Variants in SLC27A2 observed in about 807,000 individuals in gnomAD.
The protein encoded by SLC27A2 is solute carrier family 27 member 2.
A neutral mutation model predicts 60.0 loss-of-function variants in SLC27A2; 54 were observed. The observed-to-expected ratio is 0.90, with a 90% confidence interval of 0.72 to 1.13. SLC27A2 has a LOEUF of 1.13. Among genes scored for constraint, SLC27A2 ranks in the 50% most tolerant of loss-of-function variants. The probability of loss-of-function intolerance (pLI) is 0.00; values close to 1 mark genes in which losing one functional copy is unlikely to be tolerated. For missense variants in SLC27A2, 739 were observed against 777.6 expected (o/e 0.95, Z 0.59); for synonymous variants, 297 against 297.6 (o/e 1.00, Z 0.02).
intron 4 of SLC27A2, among the ~76,000 whole-genome samples, chr15:50,216,610 G>GTGTGTGTGTGTGTA (rs1323910367): frequency 3.8e-4 from 25 of 66,472 alleles, no homozygotes; most frequent in African/African-American, 1.0e-3. Flanking sequence ...GTGTGTGTGT[G>GTGTGTGTGTGTGTA]TATATATATA....
intron 1 of SLC27A2, among the ~76,000 whole-genome samples, chr15:50,185,936 T>C (rs1420800639): frequency 6.6e-6 from 1 of 151,884 alleles, no homozygotes; most frequent in Non-Finnish European, 1.5e-5. Context: ...GCCGGAAGCT[T>C]ACTTTTAAAA....
intron 4 of SLC27A2, among the ~76,000 whole-genome samples, chr15:50,214,853 A>G (rs1325100041): frequency 2.0e-5 from 3 of 152,334 alleles, no homozygotes; most frequent in African/African-American, 7.2e-5. Flanking sequence ...CCCACTGCCA[A>G]CATAATACTG....
chr15:50,196,071 A>AAT (rs2045016527), intron 1 of SLC27A2, among the ~76,000 whole-genome samples: 3 of 26,526 alleles, frequency 1.1e-4, no homozygotes, highest in Admixed American at 4.7e-4. Flanking sequence ...AAAAAAAAAA[A>AAT]AAAAAAATAT....
At chr15:50,199,919 G>A (rs1192426375) in intron 2 of SLC27A2, among the ~76,000 whole-genome samples, 1 of 152,124 alleles carries the variant, frequency 6.6e-6, no homozygotes, top group African/African-American at 2.4e-5. Flanking sequence ...GGCACTGTCT[G>A]TAGAAAAAAA....
chr15:50,206,946 A>AT (rs1240794283), intron 4 of SLC27A2, among the ~76,000 whole-genome samples: 1 of 152,120 alleles, frequency 6.6e-6, no homozygotes, highest in East Asian at 1.9e-4. Context: ...GGGTTAGGGT[A>AT]TTTTCCACAG....
chr15:50,197,889 C>T (rs1183768343), intron 2 of SLC27A2, among the ~76,000 whole-genome samples, 180 bp downstream of exon 2: 1 of 152,160 alleles, frequency 6.6e-6, no homozygotes, highest in East Asian at 1.9e-4. Context: ...TGCGTTTCTC[C>T]AAGCTATGCA....
chr15:50,206,269 T>A (rs2045111175), intron 4 of SLC27A2, among the ~76,000 whole-genome samples: 1 of 152,144 alleles, frequency 6.6e-6, no homozygotes. Context: ...AACTGCCAAA[T>A]GTCTCTTGGC....
intron 1 of SLC27A2, 80 bp downstream of exon 1, chr15:50,182,985 G>A (rs562523311): frequency 4.3e-6 from 6 of 1,395,100 alleles, no homozygotes; most frequent in Middle Eastern, 2.2e-4. Flanking sequence ...GGCATAAGGG[G>A]TTCGCAGAGG....
Position 50,197,653 on chromosome 15 carries a change from G to T in SLC27A2, c.632G>T (p.Arg211Met), listed in dbSNP as rs769978559. 1.2e-6 allele frequency: 2 copies of T among 1,614,042 alleles called. No individual in the cohort carries two copies. Among genetic ancestry groups the T allele is most frequent in the Admixed American group, 3.3e-5 (2 of 60,020 alleles). ...ACTGAACCTATCCCAGAGTCATGGA[G>T]GTCTGAAGTCACTTTTTCCACTCCT... ...VSTEPIPESW[R>M]SEVTFSTPAL... The change falls in exon 2 of 10, where the codon AGG becomes ATG. Residue 211 changes from arginine (R) to methionine (M), a missense_variant. Coordinates refer to ENST00000267842, the MANE Select transcript of SLC27A2 (RefSeq NM_003645.4).
intron 4 of SLC27A2, among the ~76,000 whole-genome samples, chr15:50,209,239 T>C (rs944225410): frequency 3.9e-5 from 6 of 152,172 alleles, no homozygotes; most frequent in African/African-American, 1.4e-4. Flanking sequence ...TGGTCCCTTC[T>C]AGCCTAAAAT....
At chr15:50,219,020 C>T (rs1157772590) in intron 4 of SLC27A2, among the ~76,000 whole-genome samples, 1 of 152,112 alleles carries the variant, frequency 6.6e-6, no homozygotes. Flanking sequence ...GCAATTAATT[C>T]CAGGAAAAAT....
At position 50,236,231 on chromosome 15, in the gene SLC27A2, T is replaced by C. The variant is rs545965625; in HGVS notation, c.*135T>C. 72 of 603,478 alleles carry C rather than the reference T, an allele frequency of 1.2e-4. No homozygotes were observed. The highest frequency in any genetic ancestry group is 9.6e-4 in the African/African-American group (51 of 52,924). The allele number at this position is 603,478 out of a possible 1,614,324, so 37.4% of individuals were successfully genotyped here. Reference sequence around the variant, plus strand: ...ATTTGCATACCCGTAAAGGGAGACTTTTTTAAATAACAGTTGAGTCTTTGC... The same window carrying C: ...ATTTGCATACCCGTAAAGGGAGACTCTTTTAAATAACAGTTGAGTCTTTGC... On this transcript the variant is annotated 3_prime_UTR_variant, in exon 10 of 10. Transcript: ENST00000267842.
At chr15:50,189,055 A>G (rs8032032) in intron 1 of SLC27A2, among the ~76,000 whole-genome samples, 144,816 of 152,068 alleles carry the variant, frequency 0.95, 69,026 homozygotes, top group East Asian at 1. Context: ...ACATACATAC[A>G]TACATAATGG....
chr15:50,214,738 G>C lies in SLC27A2; in HGVS notation c.973-8227G>C, dbSNP rs8039108. On this transcript the variant is annotated intron_variant, in intron 4 of 9. Coordinates refer to ENST00000267842, the MANE Select transcript of SLC27A2 (RefSeq NM_003645.4). ...TCACATGATAATCTCAATAGGTGCAGAAAAAGCATTCAACAAAATCCAGCA... is the reference window on the plus strand; with the variant it reads ...TCACATGATAATCTCAATAGGTGCACAAAAAGCATTCAACAAAATCCAGCA... Among the ~76,000 whole-genome samples the C allele has an allele frequency of 3.0e-3, 459 of 152,274 alleles. 1 individual carries two copies. Among genetic ancestry groups the C allele is most frequent in the African/African-American group, 0.011 (443 of 41,554 alleles).
chr15:50,223,200 C>T (rs763478899), intron 5 of SLC27A2, 41 bp downstream of exon 5: 2 of 1,462,692 alleles, frequency 1.4e-6, no homozygotes, highest in African/African-American at 2.8e-5. Flanking sequence ...AGCCAGTTTT[C>T]AGAATACAGA....
chr15:50,184,674 T>TA (rs113047135), intron 1 of SLC27A2, among the ~76,000 whole-genome samples: 105 of 141,548 alleles, frequency 7.4e-4, no homozygotes, highest in African/African-American at 1.4e-3. Context: ...CCGTCTCGAC[T>TA]AAAAAAAAAA....
In SLC27A2 at chr15:50,234,012, T is replaced by C; in HGVS notation, c.1686+14T>C. On this transcript the variant is annotated intron_variant, in intron 9 of 9. Transcript: ENST00000267842. ...CTAAGAATACAGGTGAGATCTCTTA[T>C]TATCCAGTTCAATGATCTGTCCTCT... 1 of 1,598,186 alleles carries C rather than the reference T, an allele frequency of 6.3e-7. No homozygotes were observed. Among genetic ancestry groups the C allele is most frequent in the African/African-American group, 1.3e-5 (1 of 74,280 alleles).
Position 50,235,901 on chromosome 15 carries a change from A to T in SLC27A2, c.1687-19A>T, listed in dbSNP as rs952520392. 1 of 1,595,574 alleles carries T rather than the reference A, an allele frequency of 6.3e-7. No homozygotes were observed. ...ATTGCAAAATGCAACCAAAATGTGG[A>T]TTATTTGATGTTTTTCAGGACACCA... On this transcript the variant is annotated intron_variant, in intron 9 of 9. Transcript: ENST00000267842.
At chr15:50,196,060 A>T (rs1237818723) in intron 1 of SLC27A2, among the ~76,000 whole-genome samples, 5 of 13,840 alleles carry the variant, frequency 3.6e-4, no homozygotes, top group Non-Finnish European at 7.5e-4. Context: ...TCTCAAAAAA[A>T]AAAAAAAAAA....
Sources: allele counts gnomAD v4.1 joint callset (sites outside exome capture counted in the v4.1 genomes callset), GRCh38; gene constraint gnomAD v4.1.1; transcripts MANE v1.5; gene names NCBI Gene and HGNC (gene_info 2026-07-23, HGNC 2026-07-21).